SH3TC1: variants seen among roughly 807,000 people sequenced by gnomAD.
SH3TC1 encodes the protein SH3 domain and tetratricopeptide repeat-containing protein 1.
Under a neutral mutation model 117.3 loss-of-function variants are expected in SH3TC1, and 135 were observed. That is an observed-to-expected ratio of 1.15 (90% confidence interval 1.00 to 1.33). The LOEUF is 1.33. Ranked by LOEUF, SH3TC1 falls within the 40% of genes most tolerant of loss-of-function variation. The pLI is 0.00. For synonymous variants in SH3TC1, 898 were observed against 816.9 expected (o/e 1.10, Z -1.69); for missense variants, 2,092 against 1,794.3 (o/e 1.17, Z -3.00).
Position 8,228,544 on chromosome 4 carries a change from G to A in SH3TC1, c.2850G>A (p.Leu950=), listed in dbSNP as rs1401256936. The change falls in exon 12 of 18, where the codon CTG becomes CTA. Residue 950 remains leucine (L), a synonymous_variant. Coordinates refer to ENST00000245105, the MANE Select transcript of SH3TC1 (RefSeq NM_018986.5). The part of the protein sequence containing the change: ...ECGRDFTHVL[L]QLGHLCTRQG... ...GCCGGGACTTCACCCACGTGCTCCT[G>A]CAGCTGGGCCATCTCTGCACCCGCC... The A allele has an allele frequency of 6.8e-6, 11 of 1,609,968 alleles. No individual in the cohort carries two copies. Among genetic ancestry groups the A allele is most frequent in the Non-Finnish European group, 9.3e-6 (11 of 1,178,986 alleles).
Position 8,225,126 on chromosome 4 carries a change from A to G in SH3TC1, c.1244-49A>G. On this transcript the variant is annotated intron_variant, in intron 10 of 17. Coordinates refer to ENST00000245105, the MANE Select transcript of SH3TC1 (RefSeq NM_018986.5). The surrounding 1 kb of genome is among the most constrained non-coding windows in gnomAD (Gnocchi z 5.5). The stretch of plus-strand genomic sequence containing the variant: ...CACTAGCTCAACCTGGCAGGGGACC[A>G]GAGGTACTGGCTGGGGGTGTTGATT... 1 of 1,610,560 alleles carries G rather than the reference A, an allele frequency of 6.2e-7. No homozygotes were observed. Among genetic ancestry groups the G allele is most frequent in the South Asian group, 1.1e-5 (1 of 90,566 alleles).
Position 8,209,931 on chromosome 4 carries a change from TC to T in SH3TC1, c.247+112del. Reference sequence around the variant, plus strand: ...GCTTCTCAAAGTGTGGCCTCAGACTTCCCACCTTAAAATCATGATGGGAATA... The same window carrying T: ...GCTTCTCAAAGTGTGGCCTCAGACTTCCACCTTAAAATCATGATGGGAATA... On this transcript the variant is annotated intron_variant, in intron 3 of 17. Transcript: ENST00000245105. The surrounding 1 kb of genome is among the most constrained non-coding windows in gnomAD (Gnocchi z 5.9). 1 of 1,106,508 alleles carries T rather than the reference TC, an allele frequency of 9.0e-7. No individual in the cohort carries two copies. Among genetic ancestry groups the T allele is most frequent in the Non-Finnish European group, 1.3e-6 (1 of 768,456 alleles). 68.5% of individuals were successfully genotyped at this position (1,106,508 alleles called of 1,614,324 possible). A position where few individuals can be genotyped will look rare whatever the true frequency, so the allele number is the denominator to read the frequency against.
chr4:8,198,287 A>T (rs935481861), upstream of SH3TC1, among the ~76,000 whole-genome samples: 1 of 152,192 alleles, frequency 6.6e-6, no homozygotes, highest in Non-Finnish European at 1.5e-5. Flanking sequence ...TGAGATGGAT[A>T]CATAACTATT....
At chr4:8,240,293 C>G (rs184916673) in intron 17 of SH3TC1, among the ~76,000 whole-genome samples, 83 of 152,308 alleles carry the variant, frequency 5.4e-4, no homozygotes, top group African/African-American at 1.9e-3. Context: ...CCATGGAGGG[C>G]CTGGAAATGG....
At chr4:8,226,053 A>T (rs1720431694) in intron 11 of SH3TC1, among the ~76,000 whole-genome samples, 1 of 151,770 alleles carries the variant, frequency 6.6e-6, no homozygotes, top group East Asian at 1.9e-4. Flanking sequence ...ATCATATGTA[A>T]TTTTTTTTTA....
In SH3TC1 at chr4:8,219,266, C is replaced by T. The variant is rs1055094967; in HGVS notation, c.917-69C>T. The T allele has an allele frequency of 2.5e-5, 36 of 1,444,304 alleles. No individual in the cohort carries two copies. In the South Asian group the frequency reaches 2.7e-4, roughly 11 times the overall value. 89.5% of individuals were successfully genotyped at this position (1,444,304 alleles called of 1,614,324 possible). On this transcript the variant is annotated intron_variant, in intron 8 of 17. Coordinates refer to ENST00000245105, the MANE Select transcript of SH3TC1 (RefSeq NM_018986.5). ...CCCCATGGTTCAGGGTGGCTGGCAT[C>T]GGCCCTGTCTGCCCGCTCTGGCCCC... is the stretch of plus-strand genomic sequence containing the variant.
intron 17 of SH3TC1, among the ~76,000 whole-genome samples, chr4:8,240,327 G>T (rs1249543238): frequency 6.6e-6 from 1 of 152,232 alleles, no homozygotes; most frequent in Non-Finnish European, 1.5e-5. Flanking sequence ...GGGCCAGAGG[G>T]AAGCCTGGGT....
chr4:8,199,191 C>G (rs74792593), upstream of SH3TC1: 1 of 152,258 alleles, frequency 6.6e-6, no homozygotes, highest in Non-Finnish European at 1.5e-5. Flanking sequence ...CCTGCCTCTC[C>G]GTCACCGGCC....
upstream of SH3TC1, among the ~76,000 whole-genome samples, chr4:8,197,974 G>A (rs1001473998): frequency 2.0e-5 from 3 of 152,102 alleles, no homozygotes; most frequent in African/African-American, 7.2e-5. Context: ...TTCTCAGCCT[G>A]GGGTGACTTC....
intron 1 of SH3TC1, among the ~76,000 whole-genome samples, chr4:8,182,467 G>T (rs1160181111): frequency 6.6e-6 from 1 of 152,184 alleles, no homozygotes; most frequent in Admixed American, 6.5e-5. Context: ...CTGATGGGTG[G>T]AGCTGGATGC....
chr4:8,234,880 T>C (rs892923879), intron 14 of SH3TC1, among the ~76,000 whole-genome samples: 2 of 152,228 alleles, frequency 1.3e-5, no homozygotes, highest in Non-Finnish European at 2.9e-5. Flanking sequence ...ACAAAATGCA[T>C]CTGTCATAGC....
At chr4:8,238,653 T>C (rs371746759) in intron 17 of SH3TC1, among the ~76,000 whole-genome samples, 101 of 152,170 alleles carry the variant, frequency 6.6e-4, no homozygotes, top group Non-Finnish European at 5.9e-4. Context: ...AAGCGGTCCC[T>C]GTGGCCTCCC....
In SH3TC1 at chr4:8,227,073, C is replaced by T; in HGVS notation, c.1379C>T (p.Pro460Leu). The change falls in exon 12 of 18, where the codon CCC becomes CTC. Residue 460 changes from proline (P) to leucine (L), a missense_variant. Physicochemically the swap from Pro to Leu is moderately conservative, Grantham distance 98. Coordinates refer to ENST00000245105, the MANE Select transcript of SH3TC1 (RefSeq NM_018986.5). ...CAATGCAAGACCTGCCCAGGCTGCC[C>T]CCAGGAGCCAGCGTCCTGGGGTCTC... ...LEQCKTCPGC[P>L]QEPASWGLCA... is the part of the protein sequence containing the mutation. The T allele has an allele frequency of 1.3e-5, 21 of 1,610,440 alleles. No individual in the cohort carries two copies. Among genetic ancestry groups the T allele is most frequent in the East Asian group, 2.2e-5 (1 of 44,816 alleles).
At chr4:8,215,440 G>A (rs575514424) in intron 5 of SH3TC1, among the ~76,000 whole-genome samples, 11 of 152,302 alleles carry the variant, frequency 7.2e-5, no homozygotes, top group East Asian at 5.8e-4. Flanking sequence ...TTCTTGATCC[G>A]GTTCTTGGAG....
chr4:8,235,577 T>G (rs1327053397), intron 15 of SH3TC1, 22 bp downstream of exon 15: 1 of 1,570,526 alleles, frequency 6.4e-7, no homozygotes, highest in East Asian at 2.3e-5. Flanking sequence ...TGTGGGCTGA[T>G]GTGGGTGGGC....
intron 7 of SH3TC1, 155 bp from the exon 8 acceptor site, chr4:8,218,116 A>ATGTG (rs58534598): frequency 3.4e-5 from 16 of 477,044 alleles, no homozygotes; most frequent in African/African-American, 8.0e-5. Context: ...CTGGGCAGGC[A>ATGTG]TGTGTGTGTG....
chr4:8,194,753 A>G (rs561032291), upstream of SH3TC1, among the ~76,000 whole-genome samples: 5 of 152,312 alleles, frequency 3.3e-5, no homozygotes, highest in South Asian at 8.3e-4. Flanking sequence ...TGCTTTCCAG[A>G]GCACCATTGC....
intron 8 of SH3TC1, 53 bp downstream of exon 8, chr4:8,218,400 C>G (rs1719533105): frequency 6.6e-6 from 9 of 1,362,916 alleles, no homozygotes; most frequent in South Asian, 1.3e-5. Context: ...TGCTAGGGAG[C>G]AGCACCAACA....
intron 13 of SH3TC1, chr4:8,232,792 C>T (rs369150696): frequency 5.5e-4 from 709 of 1,287,848 alleles, no homozygotes; most frequent in South Asian, 8.5e-4. Context: ...CCCGGGAGAT[C>T]GGCTCCAGCC....
Sources: gnomAD v4.1 joint callset for allele counts (sites outside exome capture counted in the v4.1 genomes callset) on GRCh38, gnomAD v4.1.1 for gene constraint, Gnocchi (gnomAD v3.1) non-coding constraint, MANE v1.5 for transcripts, NCBI Gene and HGNC (gene_info 2026-07-23, HGNC 2026-07-21) for gene names.